The following KCNH1 variants were observed in gnomAD, a reference collection of about 807,000 sequenced individuals.
KCNH1 encodes the protein potassium voltage-gated channel subfamily H member 1.
A neutral mutation model predicts 69.2 loss-of-function variants in KCNH1; 27 were observed. The ratio of observed to expected loss-of-function variants is 0.39; its 90% CI spans 0.29 to 0.54. The LOEUF (loss-of-function observed/expected upper bound fraction) is 0.54. KCNH1 is among the 20% of genes least tolerant of loss of function. The pLI, the probability that KCNH1 is intolerant of heterozygous loss-of-function variation, is 0.68. For missense variants in KCNH1, 798 were observed against 1,261.6 expected (o/e 0.63, Z 5.57); for synonymous variants, 456 against 487.7 (o/e 0.93, Z 0.86).
At chr1:210,748,689 T>C (rs1683217719) in intron 10 of KCNH1, among the ~76,000 whole-genome samples, 1 of 152,198 alleles carries the variant, frequency 6.6e-6, no homozygotes, top group African/African-American at 2.4e-5. Flanking sequence ...TCCTGGCCCA[T>C]GCCAGGCAGG....
At chr1:210,994,891 C>A (rs529746223) in intron 6 of KCNH1, among the ~76,000 whole-genome samples, 2 of 152,080 alleles carry the variant, frequency 1.3e-5, no homozygotes, top group African/African-American at 4.8e-5. Flanking sequence ...TGTTTCCTCA[C>A]GTATAAAAAT....
At chr1:210,722,737 A>G (rs1682500660) in intron 10 of KCNH1, among the ~76,000 whole-genome samples, 1 of 152,244 alleles carries the variant, frequency 6.6e-6, no homozygotes, top group African/African-American at 2.4e-5. Flanking sequence ...GATGGAAGGG[A>G]TGACTGTCCT....
At chr1:210,801,612 A>G (rs1386117286) in intron 8 of KCNH1, among the ~76,000 whole-genome samples, 1 of 152,212 alleles carries the variant, frequency 6.6e-6, no homozygotes, top group East Asian at 1.9e-4. Context: ...GCAGCCACCC[A>G]GCCAGCCCTA....
In KCNH1 at chr1:211,062,533, T is replaced by C. The variant is rs1028723717; in HGVS notation, c.558+20247A>G. On this transcript the variant is annotated intron_variant, in intron 5 of 10. Coordinates refer to ENST00000271751, the MANE Select transcript of KCNH1 (RefSeq NM_172362.3). ...ATCAACAAAGAAACAATCTACAGAA[T>C]AGGAGAAAATATTTGCAAACTATCC... Among the ~76,000 whole-genome samples, 3 of 152,078 alleles carry C rather than the reference T, an allele frequency of 2.0e-5. No homozygotes were observed. In the East Asian group the frequency reaches 5.8e-4, roughly 29 times the overall value.
At chr1:210,814,388 C>G (rs765955885) in intron 7 of KCNH1, among the ~76,000 whole-genome samples, 3 of 152,078 alleles carry the variant, frequency 2.0e-5, no homozygotes, top group Admixed American at 2.0e-4. Flanking sequence ...TAATAATTAA[C>G]AGCAGGATAA....
intron 10 of KCNH1, among the ~76,000 whole-genome samples, chr1:210,749,944 T>G (rs1683245909): frequency 6.6e-6 from 1 of 152,166 alleles, no homozygotes; most frequent in Non-Finnish European, 1.5e-5. Context: ...GGTTTCATCA[T>G]GCTGGCCAGG....
intron 4 of KCNH1, among the ~76,000 whole-genome samples, chr1:211,083,197 GA>G (rs1306019914): frequency 1.3e-5 from 2 of 152,242 alleles, no homozygotes; most frequent in Non-Finnish European, 2.9e-5. Flanking sequence ...TGGACAATGA[GA>G]AAGAGTCTAG....
At chr1:211,015,950 T>C (rs1018196111) in intron 6 of KCNH1, among the ~76,000 whole-genome samples, 75 of 152,362 alleles carry the variant, frequency 4.9e-4, no homozygotes, top group African/African-American at 1.8e-3. Flanking sequence ...AAACAATAGC[T>C]GTAGCCCTTA....
At chr1:210,805,006 C>T (rs568630466) in intron 7 of KCNH1, among the ~76,000 whole-genome samples, 2 of 152,300 alleles carry the variant, frequency 1.3e-5, no homozygotes, top group East Asian at 3.9e-4. Context: ...ACTTCCATTG[C>T]TCAATGCTGA....
chr1:211,107,266 CT>C lies in KCNH1; in HGVS notation c.190del (p.Ser64AlafsTer11). 1 of 1,613,792 alleles carries C rather than the reference CT, an allele frequency of 6.2e-7. No individual in the cohort carries two copies. The highest frequency in any genetic ancestry group is 8.5e-7 in the Non-Finnish European group (1 of 1,179,872). On this transcript the variant is annotated frameshift_variant, in exon 2 of 11. Coordinates refer to ENST00000271751, the MANE Select transcript of KCNH1 (RefSeq NM_172362.3). LOFTEE classifies it high-confidence loss of function. ...GYHRAEVMQK[S>X]STCSFMYGEL... ...CAAACATAAATACCTGCAGGTGCTGCTTTTTTGCATCACTTCTGCCCTGTGA... is the reference window on the plus strand; with the variant it reads ...CAAACATAAATACCTGCAGGTGCTGCTTTTTGCATCACTTCTGCCCTGTGA...
intron 7 of KCNH1, among the ~76,000 whole-genome samples, chr1:210,845,187 C>G (rs1685510565): frequency 6.6e-6 from 1 of 152,112 alleles, no homozygotes; most frequent in South Asian, 2.1e-4. Context: ...GAAACTATTC[C>G]AATCAATAGA....
intron 10 of KCNH1, among the ~76,000 whole-genome samples, chr1:210,766,075 GA>G (rs1219654626): frequency 6.6e-6 from 1 of 151,562 alleles, no homozygotes; most frequent in Non-Finnish European, 1.5e-5. Context: ...AAAAGAAGAA[GA>G]AAAAAAGAAT....
At chr1:210,872,097 G>A (rs1054622104) in intron 7 of KCNH1, among the ~76,000 whole-genome samples, 11 of 148,552 alleles carry the variant, frequency 7.4e-5, no homozygotes, top group African/African-American at 2.0e-4. Flanking sequence ...ATATGATCTC[G>A]GCTATGGAAA....
chr1:210,984,335 C>T (rs1251890162), intron 6 of KCNH1, among the ~76,000 whole-genome samples: 2 of 152,174 alleles, frequency 1.3e-5, no homozygotes, highest in Admixed American at 1.3e-4. Context: ...TGAGAGAGGG[C>T]ATCCCTGTCT....
chr1:210,865,555 T>C (rs1313257292), intron 7 of KCNH1, among the ~76,000 whole-genome samples: 1 of 152,172 alleles, frequency 6.6e-6, no homozygotes, highest in Non-Finnish European at 1.5e-5. Flanking sequence ...GATGCCTAAA[T>C]GTTCACAGTG....
chr1:210,876,567 A>G (rs1053195894), intron 7 of KCNH1, among the ~76,000 whole-genome samples: 1 of 152,170 alleles, frequency 6.6e-6, no homozygotes, highest in African/African-American at 2.4e-5. Context: ...AAAAATTGAA[A>G]TATTTTAAAT....
chr1:211,098,859 T>C (rs946808465), intron 3 of KCNH1, among the ~76,000 whole-genome samples: 3 of 152,202 alleles, frequency 2.0e-5, no homozygotes, highest in African/African-American at 7.2e-5. Context: ...TCAATGCTGG[T>C]GAGGCATAAT....
chr1:211,106,459 TA>T (rs146079621), intron 2 of KCNH1, among the ~76,000 whole-genome samples: 1,745 of 151,972 alleles, frequency 0.011, 23 homozygotes, highest in African/African-American at 0.04. Context: ...GGCAACAAAA[TA>T]TTGGTTCTCT....
At chr1:210,903,917 C>G (rs1463035433) in intron 7 of KCNH1, among the ~76,000 whole-genome samples, 1 of 152,188 alleles carries the variant, frequency 6.6e-6, no homozygotes, top group African/African-American at 2.4e-5. Context: ...TGCTCATTCT[C>G]TGCTTTCCCA....
Sources: allele counts gnomAD v4.1 joint callset (sites outside exome capture counted in the v4.1 genomes callset), GRCh38; gene constraint gnomAD v4.1.1; transcripts MANE v1.5; gene names NCBI Gene and HGNC (gene_info 2026-07-23, HGNC 2026-07-21).